Variants in TSHZ2 observed in about 807,000 individuals in gnomAD.
The protein encoded by TSHZ2 is teashirt homolog 2.
In TSHZ2, 21 loss-of-function variants were observed where a neutral mutation model predicts 74.4. That is an observed-to-expected ratio of 0.28 (90% CI 0.20 to 0.41). The LOEUF is 0.41. Ranked by LOEUF, TSHZ2 falls within the 10% of genes least tolerant of loss-of-function variation. The pLI is 1.00. For synonymous variants in TSHZ2, 540 were observed against 515.3 expected (o/e 1.05, Z -0.65); for missense variants, 1,244 against 1,293.5 (o/e 0.96, Z 0.59).
At chr20:53,330,061 A>G (rs1979663961) in intron 2 of TSHZ2, among the ~76,000 whole-genome samples, 1 of 152,258 alleles carries the variant, frequency 6.6e-6, no homozygotes, top group African/African-American at 2.4e-5. Flanking sequence ...AGAGTTACAG[A>G]GACCATATGG....
chr20:53,081,545 C>T (rs2041089465), intron 1 of TSHZ2, among the ~76,000 whole-genome samples: 1 of 152,232 alleles, frequency 6.6e-6, no homozygotes, highest in Non-Finnish European at 1.5e-5. Context: ...CCACAAGCCC[C>T]ACCCACCCAT....
Position 53,323,885 on chromosome 20 carries a change from A to G in TSHZ2, c.*8+67314A>G, listed in dbSNP as rs57626286. Reference sequence around the variant, plus strand: ...GAGCCACCATGCCCGGGCTCCTCGGAGGGCTTTATTACATCCTCTTGATCA... The same window carrying G: ...GAGCCACCATGCCCGGGCTCCTCGGGGGGCTTTATTACATCCTCTTGATCA... On this transcript the variant is annotated intron_variant, in intron 2 of 2. Coordinates refer to ENST00000371497, the MANE Select transcript of TSHZ2 (RefSeq NM_173485.6). Among the ~76,000 whole-genome samples the G allele has an allele frequency of 1.1e-3, 171 of 152,030 alleles. 2 individuals are homozygous for G. The highest frequency in any genetic ancestry group is 3.8e-3 in the African/African-American group (159 of 41,474).
chr20:53,418,225 T>C (rs1268994046), intron 2 of TSHZ2, among the ~76,000 whole-genome samples: 1 of 152,162 alleles, frequency 6.6e-6, no homozygotes, highest in Admixed American at 6.5e-5. Flanking sequence ...CCATCTAAAA[T>C]GGGTGTGGGA....
chr20:53,031,546 C>G (rs531716910), intron 1 of TSHZ2, among the ~76,000 whole-genome samples: 8 of 152,172 alleles, frequency 5.3e-5, no homozygotes, highest in Non-Finnish European at 1.0e-4. Context: ...CATCTGACTC[C>G]TGCGTGCTTG....
At chr20:53,246,040 C>CTTTTTT (rs57243805) in intron 1 of TSHZ2, among the ~76,000 whole-genome samples, 15 of 130,626 alleles carry the variant, frequency 1.1e-4, no homozygotes, top group Non-Finnish European at 1.8e-4. Flanking sequence ...TTCTTTCTTT[C>CTTTTTT]TTTTTTTTTT....
At chr20:53,115,611 T>C (rs780527602) in intron 1 of TSHZ2, among the ~76,000 whole-genome samples, 10 of 152,108 alleles carry the variant, frequency 6.6e-5, no homozygotes, top group Non-Finnish European at 1.3e-4. Context: ...ACAGGTGGCA[T>C]GACAAAAATA....
intron 1 of TSHZ2, among the ~76,000 whole-genome samples, chr20:53,166,152 TTA>T (rs1988056576): frequency 6.6e-6 from 1 of 152,202 alleles, no homozygotes; most frequent in African/African-American, 2.4e-5. Flanking sequence ...AGAGTCCTTG[TTA>T]GATTTCCCCA....
intron 1 of TSHZ2, among the ~76,000 whole-genome samples, chr20:53,252,326 C>A (rs147232075): frequency 6.6e-6 from 1 of 152,172 alleles, no homozygotes; most frequent in African/African-American, 2.4e-5. Flanking sequence ...GTTTTCCCCA[C>A]GTCGCTACCT....
intron 1 of TSHZ2, among the ~76,000 whole-genome samples, chr20:53,181,473 AT>A (rs1199188748): frequency 6.6e-6 from 1 of 152,244 alleles, no homozygotes; most frequent in Non-Finnish European, 1.5e-5. Context: ...TTGAAAACAA[AT>A]ACACTGGACA....
intron 2 of TSHZ2, among the ~76,000 whole-genome samples, chr20:53,367,120 G>C (rs966710963): frequency 6.6e-6 from 1 of 152,146 alleles, no homozygotes; most frequent in Non-Finnish European, 1.5e-5. Flanking sequence ...TCTCAGCCGG[G>C]CGTGGTGACT....
intron 1 of TSHZ2, among the ~76,000 whole-genome samples, chr20:53,037,558 A>G (rs1299154291): frequency 6.6e-6 from 1 of 152,164 alleles, no homozygotes; most frequent in Non-Finnish European, 1.5e-5. Context: ...ATTTCCATCT[A>G]TGTTCTTCCC....
chr20:53,318,898 G>A (rs984468692), intron 2 of TSHZ2, among the ~76,000 whole-genome samples: 1 of 152,324 alleles, frequency 6.6e-6, no homozygotes. Flanking sequence ...GGCTGGAAAG[G>A]CCTCAAAATC....
chr20:53,418,554 T>A (rs1983354019), intron 2 of TSHZ2, among the ~76,000 whole-genome samples: 1 of 152,032 alleles, frequency 6.6e-6, no homozygotes. Flanking sequence ...AAACTCCCCT[T>A]CTTATAACCA....
chr20:53,064,963 G>A (rs1047645865), intron 1 of TSHZ2, among the ~76,000 whole-genome samples: 5 of 152,178 alleles, frequency 3.3e-5, no homozygotes, highest in Non-Finnish European at 7.3e-5. Context: ...CATGTTAATA[G>A]ACCTATTTGA....
At position 53,278,676 on chromosome 20, in the gene TSHZ2, T is replaced by G. The variant is rs530190233; in HGVS notation, c.*8+22105T>G. 5.9e-4 allele frequency among the ~76,000 whole-genome samples: 90 copies of G among 152,366 alleles called. No homozygotes were observed. In the South Asian group the frequency reaches 9.9e-3, roughly 17 times the overall value. ...AGTCCTTCTGATCCTTATATTAATC[T>G]TTCTTATCATTTAAATATCAACTTA... On this transcript the variant is annotated intron_variant, in intron 2 of 2. Coordinates refer to ENST00000371497, the MANE Select transcript of TSHZ2 (RefSeq NM_173485.6).
intron 2 of TSHZ2, among the ~76,000 whole-genome samples, chr20:53,262,385 G>T (rs1284183597): frequency 6.6e-6 from 1 of 152,108 alleles, no homozygotes; most frequent in Non-Finnish European, 1.5e-5. Flanking sequence ...ATGAGCAGGC[G>T]TTCATGATTG....
At position 53,220,367 on chromosome 20, in the gene TSHZ2, C is replaced by G. The variant is rs564033430; in HGVS notation, c.41-33132C>G. 4.6e-5 allele frequency among the ~76,000 whole-genome samples: 7 copies of G among 152,344 alleles called. 1 individual carries two copies. The highest frequency in any genetic ancestry group is 1.7e-4 in the African/African-American group (7 of 41,586). ...AGGTGGGGCTTTAAGAGTTTGAGCA[C>G]TGACTTGGGAAGAATTAGCCTCACA... On this transcript the variant is annotated intron_variant, in intron 1 of 2. Transcript: ENST00000371497.
chr20:53,289,979 A>G (rs977735489), intron 2 of TSHZ2, among the ~76,000 whole-genome samples: 11 of 152,214 alleles, frequency 7.2e-5, no homozygotes, highest in African/African-American at 2.7e-4. Flanking sequence ...TTGCATGAAG[A>G]GTTGTAAATG....
intron 1 of TSHZ2, among the ~76,000 whole-genome samples, chr20:53,130,649 G>A (rs1987077127): frequency 6.6e-6 from 1 of 152,034 alleles, no homozygotes. Context: ...ATAAATAAAA[G>A]TAAATAAAGT....
Sources: allele counts gnomAD v4.1 joint callset (sites outside exome capture counted in the v4.1 genomes callset), GRCh38; gene constraint gnomAD v4.1.1; transcripts MANE v1.5; gene names NCBI Gene and HGNC (gene_info 2026-07-23, HGNC 2026-07-21).